Variants in MYL12B observed in about 807,000 individuals in gnomAD.
MYL12B encodes the protein myosin light chain 12B.
Under a neutral mutation model 12.9 loss-of-function variants are expected in MYL12B, and 3 were observed. The ratio of observed to expected loss-of-function variants is 0.23; its 90% confidence interval spans 0.11 to 0.60. The LOEUF is 0.60. MYL12B is among the 20% of genes least tolerant of loss of function. The probability of loss-of-function intolerance (pLI) is 0.89; values close to 1 mark genes in which losing one functional copy is unlikely to be tolerated. For missense variants in MYL12B, 120 were observed against 215.4 expected (o/e 0.56, Z 2.77); for synonymous variants, 57 against 71.9 (o/e 0.79, Z 1.05).
chr18:3,271,484 A>G (rs1036203526), intron 1 of MYL12B, among the ~76,000 whole-genome samples: 1 of 152,232 alleles, frequency 6.6e-6, no homozygotes, highest in African/African-American at 2.4e-5. Context: ...ACTTAGGTCC[A>G]AAATCCCCTT....
At chr18:3,266,748 G>T (rs1228321859) in intron 1 of MYL12B, among the ~76,000 whole-genome samples, 1 of 152,012 alleles carries the variant, frequency 6.6e-6, no homozygotes, top group African/African-American at 2.4e-5. Context: ...TTTAAATGTT[G>T]GCAAACTAAT....
At chr18:3,273,985 AT>A (rs1481670613) in intron 2 of MYL12B, among the ~76,000 whole-genome samples, 1 of 152,112 alleles carries the variant, frequency 6.6e-6, no homozygotes, top group Non-Finnish European at 1.5e-5. Flanking sequence ...CCAACATATG[AT>A]TTTGAAAACT....
chr18:3,271,005 T>C (rs999330966), intron 1 of MYL12B, among the ~76,000 whole-genome samples: 3 of 152,172 alleles, frequency 2.0e-5, no homozygotes, highest in African/African-American at 7.2e-5. Context: ...TTTAACTCTT[T>C]TGGAACTTTT....
At chr18:3,274,343 T>C (rs2081710665) in intron 2 of MYL12B, among the ~76,000 whole-genome samples, 1 of 152,244 alleles carries the variant, frequency 6.6e-6, no homozygotes, top group Non-Finnish European at 1.5e-5. Flanking sequence ...TCAGAGGTTG[T>C]CTTTGAGACC....
chr18:3,277,630 C>G, intron 3 of MYL12B, 135 bp from the exon 4 acceptor site: 1 of 1,276,632 alleles, frequency 7.8e-7, no homozygotes, highest in Non-Finnish European at 1.1e-6. Context: ...TTCATATAGC[C>G]TTAGTTCACT....
At chr18:3,269,496 A>T (rs1293660161) in intron 1 of MYL12B, among the ~76,000 whole-genome samples, 1 of 152,130 alleles carries the variant, frequency 6.6e-6, no homozygotes, top group African/African-American at 2.4e-5. Context: ...TGGGTAGATG[A>T]TTGGAAACAA....
chr18:3,266,007 C>T (rs2144353128), intron 1 of MYL12B, among the ~76,000 whole-genome samples: 1 of 152,304 alleles, frequency 6.6e-6, no homozygotes, highest in East Asian at 1.9e-4. Flanking sequence ...GAAATAAAGG[C>T]ATTGCCCTAT....
rs1024555165 is a variant in MYL12B at position 3,275,795 on chromosome 18, A to G, written c.185-1458A>G. ...TTTCTTCCCCCCAAAAAATGCTGCAAGTGAGTTGGGTTAAATCTGGAGGTA... is the reference window on the plus strand; with the variant it reads ...TTTCTTCCCCCCAAAAAATGCTGCAGGTGAGTTGGGTTAAATCTGGAGGTA... On this transcript the variant is annotated intron_variant, in intron 2 of 3. Coordinates refer to ENST00000237500, the MANE Select transcript of MYL12B (RefSeq NM_033546.4). Among the ~76,000 whole-genome samples, 6 of 152,270 alleles carry G rather than the reference A, an allele frequency of 3.9e-5. 1 individual carries two copies. The highest frequency in any genetic ancestry group is 6.5e-5 in the Admixed American group (1 of 15,292).
Position 3,277,422 on chromosome 18 carries a change from C to T in MYL12B, c.346+8C>T, listed in dbSNP as rs537727841. On this transcript the variant is annotated splice_region_variant and intron_variant, in intron 3 of 3. Transcript: ENST00000237500. ...TTGATGAAGAAGCAACAGGTGAGTG[C>T]TATTTGTTTATGCCCAGCCTCATTC... 1 of 1,613,578 alleles carries T rather than the reference C, an allele frequency of 6.2e-7. No homozygotes were observed. Among genetic ancestry groups the T allele is most frequent in the South Asian group, 1.1e-5 (1 of 91,016 alleles).
intron 1 of MYL12B, among the ~76,000 whole-genome samples, chr18:3,268,831 T>C (rs2081654688): frequency 6.6e-6 from 1 of 152,212 alleles, no homozygotes; most frequent in African/African-American, 2.4e-5. Flanking sequence ...TTGGGCAAGA[T>C]TATTTAATAT....
In MYL12B at chr18:3,278,166, A is replaced by T; in HGVS notation, c.*229A>T. On this transcript the variant is annotated 3_prime_UTR_variant, in exon 4 of 4. Transcript: ENST00000237500. The stretch of plus-strand genomic sequence containing the variant: ...TGAAAAAGATCGCGAATAAAAATCA[A>T]CAAATGTGAAAGCCCAGAAAAATAT... 1 of 387,940 alleles carries T rather than the reference A, an allele frequency of 2.6e-6. No individual in the cohort carries two copies. The allele number at this position is 387,940 out of a possible 1,614,324, so 24.0% of individuals were successfully genotyped here. A position where few individuals can be genotyped will look rare whatever the true frequency, so the allele number is the denominator to read the frequency against.
chr18:3,272,398 A>C (rs2081687790), intron 1 of MYL12B, among the ~76,000 whole-genome samples: 1 of 44,304 alleles, frequency 2.3e-5, no homozygotes, highest in African/African-American at 8.2e-5. Flanking sequence ...AGGAAGCCCT[A>C]TGCCTTCATA....
intron 2 of MYL12B, 100 bp downstream of exon 2, chr18:3,273,182 T>C: frequency 6.1e-6 from 8 of 1,307,726 alleles, no homozygotes; most frequent in Non-Finnish European, 8.2e-6. Context: ...TCTCCTTGTC[T>C]CAAAAGGCCT....
At chr18:3,275,202 TA>T (rs2081719225) in intron 2 of MYL12B, among the ~76,000 whole-genome samples, 1 of 152,154 alleles carries the variant, frequency 6.6e-6, no homozygotes, top group Non-Finnish European at 1.5e-5. Context: ...TTAAGTGAAA[TA>T]AGCCAGGCAC....
intron 1 of MYL12B, among the ~76,000 whole-genome samples, chr18:3,270,857 G>A (rs1427731913): frequency 6.6e-6 from 1 of 151,968 alleles, no homozygotes; most frequent in Non-Finnish European, 1.5e-5. Flanking sequence ...TTTTTTGTAG[G>A]GACAGAGTAT....
rs1443994997 is a variant in MYL12B at position 3,276,942 on chromosome 18, T to G, written c.185-311T>G. 4 of 964,366 alleles carry G rather than the reference T, an allele frequency of 4.1e-6. No individual in the cohort carries two copies. The East Asian group carries it at 4.8e-4, about 115-fold the overall frequency. The allele number at this position is 964,366 out of a possible 1,614,324, so 59.7% of individuals were successfully genotyped here. ...TCCAAAAAAAAAAAAAAAAAAAAATTAAGATGTAATAATGTGGCACTGCCT... is the reference window on the plus strand; with the variant it reads ...TCCAAAAAAAAAAAAAAAAAAAAATGAAGATGTAATAATGTGGCACTGCCT... On this transcript the variant is annotated intron_variant, in intron 2 of 3. Transcript: ENST00000237500.
At chr18:3,271,547 G>A (rs1218395108) in intron 1 of MYL12B, among the ~76,000 whole-genome samples, 1 of 152,120 alleles carries the variant, frequency 6.6e-6, no homozygotes, top group Non-Finnish European at 1.5e-5. Flanking sequence ...AGGAAGTTAC[G>A]GAAACAGTCT....
At chr18:3,269,947 A>G (rs2081664205) in intron 1 of MYL12B, among the ~76,000 whole-genome samples, 1 of 152,190 alleles carries the variant, frequency 6.6e-6, no homozygotes, top group Admixed American at 6.5e-5. Flanking sequence ...CACCTGGGAA[A>G]GTTCATTTCT....
At chr18:3,262,618 C>CT (rs1330085974) in intron 1 of MYL12B, 1 of 152,484 alleles carries the variant, frequency 6.6e-6, no homozygotes, top group African/African-American at 2.4e-5. Context: ...AACGCCTGCC[C>CT]TCCCGGCGCC....
Sources: allele counts gnomAD v4.1 joint callset (sites outside exome capture counted in the v4.1 genomes callset), GRCh38; gene constraint gnomAD v4.1.1; transcripts MANE v1.5; gene names NCBI Gene and HGNC (gene_info 2026-07-23, HGNC 2026-07-21).